The following ARHGEF33 variants were observed in gnomAD, a reference collection of about 807,000 sequenced individuals.
ARHGEF33 encodes the protein DH and coiled-coil domain-containing protein ENSP00000381780.
Under a neutral mutation model 101.9 loss-of-function variants are expected in ARHGEF33, and 72 were observed. That is an observed-to-expected ratio of 0.71 (90% CI 0.58 to 0.86). ARHGEF33 has a LOEUF of 0.86. Among genes scored for constraint, ARHGEF33 ranks in the 40% least tolerant of loss-of-function variants. The probability of loss-of-function intolerance (pLI) is 0.00; values close to 1 mark genes in which losing one functional copy is unlikely to be tolerated. For missense variants in ARHGEF33, 1,169 were observed against 1,111.3 expected (o/e 1.05, Z -0.74); for synonymous variants, 499 against 442.5 (o/e 1.13, Z -1.60).
chr2:38,922,206 T>C (rs978291381), intron 4 of ARHGEF33, among the ~76,000 whole-genome samples: 5 of 152,162 alleles, frequency 3.3e-5, no homozygotes, highest in African/African-American at 7.2e-5. Flanking sequence ...TCCATGCTTC[T>C]CTCCAGACTT....
chr2:38,931,466 A>C (rs1419589804), intron 7 of ARHGEF33, among the ~76,000 whole-genome samples: 2 of 151,998 alleles, frequency 1.3e-5, no homozygotes, highest in South Asian at 4.1e-4. Flanking sequence ...TGGTCGGGGG[A>C]ATACTAATCT....
At chr2:38,929,912 A>C in intron 6 of ARHGEF33, 82 bp downstream of exon 6, 2 of 1,257,224 alleles carry the variant, frequency 1.6e-6, no homozygotes, top group Non-Finnish European at 2.2e-6. Flanking sequence ...ATTCCCCACT[A>C]TCAGTGTATA....
chr2:38,912,878 C>G (rs536250458), intron 2 of ARHGEF33, among the ~76,000 whole-genome samples: 1 of 151,984 alleles, frequency 6.6e-6, no homozygotes, highest in African/African-American at 2.4e-5. Flanking sequence ...AATGATACAC[C>G]CTCAACAGAA....
At position 38,973,851 on chromosome 2, in the gene ARHGEF33, T is replaced by C. The variant is rs530164288; in HGVS notation, c.*8T>C. 25 of 1,541,472 alleles carry C rather than the reference T, an allele frequency of 1.6e-5. No individual in the cohort carries two copies. In the South Asian group the frequency reaches 2.9e-4, roughly 18 times the overall value. ...CAAGGAACAGCTGTGTAAAACATAC[T>C]TAAAGTTGTATTGTCAAGTGGTAAG... On this transcript the variant is annotated 3_prime_UTR_variant, in exon 18 of 18. Coordinates refer to ENST00000409978, the MANE Select transcript of ARHGEF33 (RefSeq NM_001145451.5).
chr2:38,930,824 G>T (rs1211473488), intron 6 of ARHGEF33, among the ~76,000 whole-genome samples: 1 of 152,134 alleles, frequency 6.6e-6, no homozygotes, highest in Non-Finnish European at 1.5e-5. Flanking sequence ...AAACTCTAAA[G>T]ATCCCGATGA....
In ARHGEF33 at chr2:38,953,197, G is replaced by C; in HGVS notation, c.1089G>C (p.Arg363Ser). ...TGGATTATTATGTTGCCTACCTAAG[G>C]GACCTGCCTGAGTGCATCTCATTGG... ...NFLDYYVAYLRDLPECISLVH... is the reference protein window; with the variant it reads ...NFLDYYVAYLSDLPECISLVH... Residue 363 changes from arginine (R) to serine (S), a missense_variant, in exon 12 of 18, where the codon AGG (arginine) becomes AGC (serine). Coordinates refer to ENST00000409978, the MANE Select transcript of ARHGEF33 (RefSeq NM_001145451.5). 2 of 1,543,820 alleles carry C rather than the reference G, an allele frequency of 1.3e-6. No individual in the cohort carries two copies. The highest frequency in any genetic ancestry group is 2.0e-5 in the Admixed American group (1 of 51,004).
rs1358439217 is a variant in ARHGEF33, at chr2:38,929,039, A to G, written c.208A>G (p.Thr70Ala). 6.4e-7 allele frequency: 1 copy of G among 1,550,844 alleles called. No individual in the cohort carries two copies. The highest frequency in any genetic ancestry group is 1.4e-5 in the African/African-American group (1 of 73,044). The part of the protein sequence containing the change: ...SCRCSMEEKV[T>A]EMKNSLNYFK... ...CAGATGTTCCATGGAAGAAAAAGTT[A>G]CTGAGATGAAGAATTCATTAAACTA... Residue 70 changes from threonine (T) to alanine (A), a missense_variant, in exon 5 of 18, where the codon ACT becomes GCT. Transcript: ENST00000409978.
At chr2:38,930,005 G>T (rs897418231) in intron 6 of ARHGEF33, among the ~76,000 whole-genome samples, 175 bp downstream of exon 6, 1 of 152,110 alleles carries the variant, frequency 6.6e-6, no homozygotes, top group African/African-American at 2.4e-5. Flanking sequence ...AAGATGGATG[G>T]TACCTATTAC....
At position 38,897,248 on chromosome 2, in the gene ARHGEF33, A is replaced by G. The variant is rs140039231; in HGVS notation, c.-86+1399A>G. 3.1e-3 allele frequency among the ~76,000 whole-genome samples: 466 copies of G among 152,356 alleles called. 2 individuals are homozygous for G. Among genetic ancestry groups the G allele is most frequent in the African/African-American group, 0.011 (447 of 41,578 alleles). Reference sequence around the variant, plus strand: ...TACTTTTCATAGTACACTCGGCAAGAGAAAGATATGGAAAGATTTTCACAG... The same window carrying G: ...TACTTTTCATAGTACACTCGGCAAGGGAAAGATATGGAAAGATTTTCACAG... On this transcript the variant is annotated intron_variant, in intron 2 of 17. Coordinates refer to ENST00000409978, the MANE Select transcript of ARHGEF33 (RefSeq NM_001145451.5).
At chr2:38,958,242 G>A (rs138016618) in intron 15 of ARHGEF33, 44 bp downstream of exon 15, 1 of 1,547,964 alleles carries the variant, frequency 6.5e-7, no homozygotes, top group East Asian at 2.4e-5. Context: ...AATGCCTTTG[G>A]GACCCAGCCA....
At chr2:38,918,131 T>C (rs1256691382) in intron 2 of ARHGEF33, among the ~76,000 whole-genome samples, 2 of 152,206 alleles carry the variant, frequency 1.3e-5, no homozygotes, top group Non-Finnish European at 1.5e-5. Flanking sequence ...GAATCGAGTT[T>C]GGGATTCTAC....
At chr2:38,908,693 T>G (rs1306850877) in intron 2 of ARHGEF33, among the ~76,000 whole-genome samples, 6 of 152,234 alleles carry the variant, frequency 3.9e-5, no homozygotes, top group African/African-American at 1.4e-4. Context: ...GCTCCTGTTC[T>G]CACTGGCTCT....
At chr2:38,964,100 G>T (rs1413111741) in intron 16 of ARHGEF33, among the ~76,000 whole-genome samples, 2 of 152,130 alleles carry the variant, frequency 1.3e-5, no homozygotes, top group Non-Finnish European at 2.9e-5. Context: ...CACCTGAAGT[G>T]TGTCACTTAT....
rs531267890 is a variant in ARHGEF33, at chr2:38,913,684, G to A, written c.-85-5679G>A. Among the ~76,000 whole-genome samples the A allele has an allele frequency of 5.9e-5, 9 of 151,868 alleles. No homozygotes were observed. In the East Asian group the frequency reaches 1.6e-3, roughly 26 times the overall value. ...CCAGCTATTCAGGAGGCCGAGGCAC[G>A]AGAATCACTTAAACCCAGGAGGTGG... On this transcript the variant is annotated intron_variant, in intron 2 of 17. Coordinates refer to ENST00000409978, the MANE Select transcript of ARHGEF33 (RefSeq NM_001145451.5).
At chr2:38,967,936 C>CT (rs397871559) in intron 17 of ARHGEF33, among the ~76,000 whole-genome samples, 1,587 of 96,350 alleles carry the variant, frequency 0.016, 33 homozygotes, top group Non-Finnish European at 0.024. Flanking sequence ...TTGAGCCTAT[C>CT]TTTTTTTTTT....
intron 16 of ARHGEF33, among the ~76,000 whole-genome samples, 156 bp downstream of exon 16, chr2:38,960,804 C>T (rs1456964756): frequency 5.3e-5 from 8 of 152,006 alleles, no homozygotes; most frequent in African/African-American, 1.9e-4. Context: ...GGAGGGAGAG[C>T]AGGGGCAGCC....
chr2:38,945,421 A>G (rs995337185), intron 10 of ARHGEF33, among the ~76,000 whole-genome samples: 21 of 152,240 alleles, frequency 1.4e-4, no homozygotes, highest in Non-Finnish European at 2.6e-4. Context: ...ATGAAGCAAC[A>G]AGAACAGAAA....
chr2:38,919,605 T>C (rs1666712155), intron 3 of ARHGEF33, 133 bp downstream of exon 3: 13 of 970,982 alleles, frequency 1.3e-5, no homozygotes, highest in Non-Finnish European at 3.1e-6. Context: ...ATAATGACTA[T>C]GAAGAATATA....
Position 38,951,060 on chromosome 2 carries a change from T to C in ARHGEF33, c.992T>C (p.Val331Ala), listed in dbSNP as rs1558440158. 3.9e-6 allele frequency: 6 copies of C among 1,552,114 alleles called. No homozygotes were observed. The highest frequency in any genetic ancestry group is 2.4e-5 in the East Asian group (1 of 40,922). The stretch of plus-strand genomic sequence containing the variant: ...CTGCTTCACGCACTGCAGGAAAGGG[T>C]CCTGAAGTGGCCACGCCAAGGCGTT... ...LDLLHALQER[V>A]LKWPRQGVLG... The change falls in exon 11 of 18, where the codon GTC becomes GCC. Residue 331 changes from valine (V) to alanine (A), a missense_variant. By Grantham distance (64) the Val-to-Ala change is moderately conservative. Coordinates refer to ENST00000409978, the MANE Select transcript of ARHGEF33 (RefSeq NM_001145451.5).
Sources: gnomAD v4.1 joint callset for allele counts (sites outside exome capture counted in the v4.1 genomes callset) on GRCh38, gnomAD v4.1.1 for gene constraint, MANE v1.5 for transcripts, NCBI Gene and HGNC (gene_info 2026-07-23, HGNC 2026-07-21) for gene names.